The following GDF7 variants were observed in gnomAD, a reference collection of about 807,000 sequenced individuals.
GDF7 encodes growth differentiation factor 7.
Under a neutral mutation model 13.4 loss-of-function variants are expected in GDF7, and 12 were observed. That is an observed-to-expected ratio of 0.90 (90% confidence interval 0.57 to 1.45). The LOEUF (loss-of-function observed/expected upper bound fraction) is 1.45, where lower values mean the gene tolerates loss of function less well. Among genes scored for constraint, GDF7 ranks in the 40% most tolerant of loss-of-function variants. GDF7 has a pLI of 0.00. For missense variants in GDF7, 651 were observed against 652.4 expected (o/e 1.00, Z 0.02); for synonymous variants, 330 against 306.4 (o/e 1.08, Z -0.80).
Position 20,670,505 on chromosome 2 carries a change from G to T in GDF7, c.433G>T (p.Val145Leu). ...AACAGGCCAGAGCTTCCTGTTCGAC[G>T]TGTCCAGCCTTAACGACGCAGACGA... ...AETGQSFLFD[V>L]SSLNDADEVV... Residue 145 changes from valine (V) to leucine (L), a missense_variant, in exon 2 of 2, where the codon GTG (valine) becomes TTG (leucine). Physicochemically the swap from Val to Leu is conservative, Grantham distance 32. This residue lies in a region of GDF7 where 487 missense variants were observed against 445.9 expected (regional missense o/e 1.09). Coordinates refer to ENST00000272224, the MANE Select transcript of GDF7 (RefSeq NM_182828.4). The T allele has an allele frequency of 6.3e-7, 1 of 1,579,212 alleles. No homozygotes were observed.
Position 20,670,684 on chromosome 2 carries a change from C to G in GDF7, c.612C>G (p.Val204=), listed in dbSNP as rs756315078. The G allele has an allele frequency of 1.1e-5, 16 of 1,511,832 alleles. No individual in the cohort carries two copies. The highest frequency in any genetic ancestry group is 1.2e-5 in the Non-Finnish European group (14 of 1,134,142). The allele number at this position is 1,511,832 out of a possible 1,614,324, so 93.7% of individuals were successfully genotyped here. A position where few individuals can be genotyped will look rare whatever the true frequency, so the allele number is the denominator to read the frequency against. Reference sequence around the variant, plus strand: ...ACTCGCGGGCAGCTGAGCCCCTAGTCGGTCAGCGCTGGGAGGCGTTCGACG... The same window carrying G: ...ACTCGCGGGCAGCTGAGCCCCTAGTGGGTCAGCGCTGGGAGGCGTTCGACG... ...LLYSRAAEPL[V]GQRWEAFDVA... The change falls in exon 2 of 2, where the codon GTC becomes GTG. Residue 204 remains valine, a synonymous_variant. Coordinates refer to ENST00000272224, the MANE Select transcript of GDF7 (RefSeq NM_182828.4).
In GDF7 at chr2:20,673,019, C is replaced by T. The variant is rs904192386; in HGVS notation, c.*1594C>T. 1.3e-5 allele frequency: 2 copies of T among 152,076 alleles called. No homozygotes were observed. Among genetic ancestry groups the T allele is most frequent in the Non-Finnish European group, 2.9e-5 (2 of 68,022 alleles). 9.4% of individuals were successfully genotyped at this position (152,076 alleles called of 1,614,324 possible). On this transcript the variant is annotated 3_prime_UTR_variant, in exon 2 of 2. Transcript: ENST00000272224. The stretch of plus-strand genomic sequence containing the variant: ...TCTGTGTGATGTTGTGTAGGACTTT[C>T]CCCTTCAGAGTCCTGGGGAGCATTA...
At position 20,671,952 on chromosome 2, in the gene GDF7, C is replaced by T. The variant is rs1487980759; in HGVS notation, c.*527C>T. The T allele has an allele frequency of 6.5e-6, 1 of 153,348 alleles. No homozygotes were observed. The highest frequency in any genetic ancestry group is 1.5e-5 in the Non-Finnish European group (1 of 68,938). The allele number at this position is 153,348 out of a possible 1,614,324, so 9.5% of individuals were successfully genotyped here. On this transcript the variant is annotated 3_prime_UTR_variant, in exon 2 of 2. Coordinates refer to ENST00000272224, the MANE Select transcript of GDF7 (RefSeq NM_182828.4). ...ATGCCCTTCCCGAGGGTTTGTGTTG[C>T]ATGGGGCCGTTTACCCTGGAACTGC...
In GDF7 at chr2:20,671,413, C is replaced by T. The variant is rs907570368; in HGVS notation, c.1341C>T (p.Cys447=). 2.4e-5 allele frequency: 39 copies of T among 1,601,936 alleles called. No homozygotes were observed. Among genetic ancestry groups the T allele is most frequent in the Non-Finnish European group, 2.9e-5 (34 of 1,174,412 alleles). The change falls in exon 2 of 2, where the codon TGC becomes TGT. Residue 447 remains cysteine (C), a synonymous_variant. Transcript: ENST00000272224. The part of the protein sequence containing the change: ...KQYEDMVVEA[C]GCR ...ACGAGGACATGGTGGTGGAGGCCTG[C>T]GGCTGCAGGTAGCGCGAGGGCCGGG...
chr2:20,678,963 G>A lies in GDF7; in HGVS notation c.*7538G>A, dbSNP rs1347724477. On this transcript the variant is annotated 3_prime_UTR_variant, in exon 2 of 2. Coordinates refer to ENST00000272224, the MANE Select transcript of GDF7 (RefSeq NM_182828.4). ...GCTGTCTCCTTGCTGCCTGGCTTGG[G>A]TGTTTATTTGGGCAATGCAAGCTGA... 5 of 152,180 alleles carry A rather than the reference G, an allele frequency of 3.3e-5. No homozygotes were observed. Among genetic ancestry groups the A allele is most frequent in the African/African-American group, 7.2e-5 (3 of 41,434 alleles). The allele number at this position is 152,180 out of a possible 1,614,324, so 9.4% of individuals were successfully genotyped here.
In GDF7 at chr2:20,675,445, C is replaced by T. The variant is rs964063881; in HGVS notation, c.*4020C>T. 6.6e-6 allele frequency: 1 copy of T among 152,244 alleles called. No homozygotes were observed. Among genetic ancestry groups the T allele is most frequent in the Non-Finnish European group, 1.5e-5 (1 of 68,056 alleles). The allele number at this position is 152,244 out of a possible 1,614,324, so 9.4% of individuals were successfully genotyped here. On this transcript the variant is annotated 3_prime_UTR_variant, in exon 2 of 2. Coordinates refer to ENST00000272224, the MANE Select transcript of GDF7 (RefSeq NM_182828.4). ...TTTGAGCTGCACCAGAGTCAGAGCC[C>T]ACTGTGGGCTTCCGAGTGCCCAGAG...
In GDF7 at chr2:20,667,571, C is replaced by A; in HGVS notation, c.332C>A (p.Ser111Tyr). The A allele has an allele frequency of 6.6e-7, 1 of 1,507,034 alleles. No homozygotes were observed. Among genetic ancestry groups the A allele is most frequent in the Non-Finnish European group, 8.8e-7 (1 of 1,134,940 alleles). 93.4% of individuals were successfully genotyped at this position (1,507,034 alleles called of 1,614,324 possible). The change falls in exon 1 of 2, where the codon TCC (serine) becomes TAC (tyrosine). Residue 111 changes from serine (S) to tyrosine (Y), a missense_variant. This residue lies in a region of GDF7 where 487 missense variants were observed against 445.9 expected (regional missense o/e 1.09). Coordinates refer to ENST00000272224, the MANE Select transcript of GDF7 (RefSeq NM_182828.4). The surrounding 1 kb of genome is among the most constrained non-coding windows in gnomAD (Gnocchi z 6.4). ...GRAPAGAAAV[S>Y]ASGHGRADTI... is the part of the protein sequence containing the mutation. ...GCTCCGGCCGGGGCAGCCGCTGTCT[C>A]CGCCTCGGGCCATGGTCGCGCGGAC...
rs1029041214 is a variant in GDF7, at chr2:20,671,875, C to CT, written c.*451dup. 2.1e-5 allele frequency: 4 copies of CT among 194,858 alleles called. No individual in the cohort carries two copies. Among genetic ancestry groups the CT allele is most frequent in the African/African-American group, 9.4e-5 (4 of 42,580 alleles). The allele number at this position is 194,858 out of a possible 1,614,324, so 12.1% of individuals were successfully genotyped here. A position where few individuals can be genotyped will look rare whatever the true frequency, so the allele number is the denominator to read the frequency against. Reference sequence around the variant, plus strand: ...TGGCCCGATGTGGGGCATCGCTTCCCTGGGGGGCTGAGCGCCGCGTGGTGC... The same window carrying CT: ...TGGCCCGATGTGGGGCATCGCTTCCCTTGGGGGGCTGAGCGCCGCGTGGTGC... On this transcript the variant is annotated 3_prime_UTR_variant, in exon 2 of 2. Transcript: ENST00000272224.
rs1386503371 is a variant in GDF7 at position 20,667,428 on chromosome 2, G to C, written c.189G>C (p.Pro63=). ...LAQAAGAAAV[P]AAAVPRARAA... is the part of the protein sequence containing the mutation. The stretch of plus-strand genomic sequence containing the variant: ...AGGCTGCGGGCGCCGCGGCTGTCCC[G>C]GCCGCCGCGGTTCCCCGGGCCCGCG... Residue 63 remains proline, a synonymous_variant, in exon 1 of 2, where the codon CCG becomes CCC. Transcript: ENST00000272224. The surrounding 1 kb of genome is among the most constrained non-coding windows in gnomAD (Gnocchi z 6.4). The C allele has an allele frequency of 7.9e-6, 8 of 1,015,986 alleles. No individual in the cohort carries two copies. Among genetic ancestry groups the C allele is most frequent in the African/African-American group, 3.5e-5 (2 of 57,188 alleles). 62.9% of individuals were successfully genotyped at this position (1,015,986 alleles called of 1,614,324 possible).
rs1308593399 is a variant in GDF7, at chr2:20,670,710, T to C, written c.638T>C (p.Val213Ala). ...LVGQRWEAFD[V>A]ADAMRRHRRE... ...GGTCAGCGCTGGGAGGCGTTCGACG[T>C]GGCGGACGCCATGAGGCGCCACCGT... is the stretch of plus-strand genomic sequence containing the variant. Residue 213 changes from valine to alanine, a missense_variant, in exon 2 of 2, where the codon GTG becomes GCG. Physicochemically the swap from Val to Ala is moderately conservative, Grantham distance 64. Coordinates refer to ENST00000272224, the MANE Select transcript of GDF7 (RefSeq NM_182828.4). 4 of 1,477,516 alleles carry C rather than the reference T, an allele frequency of 2.7e-6. No homozygotes were observed. Among genetic ancestry groups the C allele is most frequent in the Non-Finnish European group, 3.6e-6 (4 of 1,119,820 alleles). The allele number at this position is 1,477,516 out of a possible 1,614,324, so 91.5% of individuals were successfully genotyped here.
In GDF7 at chr2:20,670,579, G is replaced by C. The variant is rs753091504; in HGVS notation, c.507G>C (p.Ser169=). The C allele has an allele frequency of 3.7e-6, 6 of 1,603,886 alleles. No individual in the cohort carries two copies. Among genetic ancestry groups the C allele is most frequent in the Non-Finnish European group, 4.2e-6 (5 of 1,176,692 alleles). ...TGCTGCGCCGGGGATCTCCAGAGTC[G>C]GGCCCAGGCAGCTGGACTTCTCCGC... The part of the protein sequence containing the change: ...LRVLRRGSPE[S]GPGSWTSPPL... Residue 169 remains serine, a synonymous_variant, in exon 2 of 2, where the codon TCG becomes TCC. Transcript: ENST00000272224.
In GDF7 at chr2:20,667,467, C is replaced by T; in HGVS notation, c.228C>T (p.Ala76=). 8.1e-7 allele frequency: 1 copy of T among 1,230,700 alleles called. No individual in the cohort carries two copies. The highest frequency in any genetic ancestry group is 1.0e-6 in the Non-Finnish European group (1 of 985,080). The allele number at this position is 1,230,700 out of a possible 1,614,324, so 76.2% of individuals were successfully genotyped here. ...AVPRARAARR[A]AGSGFRNGSV... Reference sequence around the variant, plus strand: ...CCCGGGCCCGCGCCGCGCGCCGCGCCGCGGGCTCCGGCTTCAGGAACGGCT... The same window carrying T: ...CCCGGGCCCGCGCCGCGCGCCGCGCTGCGGGCTCCGGCTTCAGGAACGGCT... Residue 76 remains alanine, a synonymous_variant, in exon 1 of 2, where the codon GCC becomes GCT. Transcript: ENST00000272224. This position sits in a 1 kb window ranked among gnomAD's most constrained non-coding sequence, Gnocchi z 6.4.
rs1662189706 is a variant in GDF7, at chr2:20,674,629, A to G, written c.*3204A>G. ...GAATTCTGACTTTCCAAACAGCCGC[A>G]CTGGGTCTTCCAGAGAAGGTGGCAG... On this transcript the variant is annotated 3_prime_UTR_variant, in exon 2 of 2. Transcript: ENST00000272224. 6.6e-6 allele frequency: 1 copy of G among 152,246 alleles called. No homozygotes were observed. Among genetic ancestry groups the G allele is most frequent in the Admixed American group, 6.5e-5 (1 of 15,288 alleles). 9.4% of individuals were successfully genotyped at this position (152,246 alleles called of 1,614,324 possible). A position where few individuals can be genotyped will look rare whatever the true frequency, so the allele number is the denominator to read the frequency against.
In GDF7 at chr2:20,670,663, G is replaced by A. The variant is rs759572243; in HGVS notation, c.591G>A (p.Ser197=). 2 of 1,531,324 alleles carry A rather than the reference G, an allele frequency of 1.3e-6. No homozygotes were observed. Among genetic ancestry groups the A allele is most frequent in the Admixed American group, 2.0e-5 (1 of 50,222 alleles). 94.9% of individuals were successfully genotyped at this position (1,531,324 alleles called of 1,614,324 possible). Reference sequence around the variant, plus strand: ...CCCGAGCGCCACGCCTGCTGTACTCGCGGGCAGCTGAGCCCCTAGTCGGTC... The same window carrying A: ...CCCGAGCGCCACGCCTGCTGTACTCACGGGCAGCTGAGCCCCTAGTCGGTC... ...GAARAPRLLY[S]RAAEPLVGQR... Residue 197 remains serine, a synonymous_variant, in exon 2 of 2, where the codon TCG becomes TCA. Coordinates refer to ENST00000272224, the MANE Select transcript of GDF7 (RefSeq NM_182828.4).
At chr2:20,669,802 A>T (rs1662080460) in intron 1 of GDF7, among the ~76,000 whole-genome samples, 2 of 152,220 alleles carry the variant, frequency 1.3e-5, no homozygotes, top group South Asian at 4.1e-4. Flanking sequence ...GGCAGAGCGA[A>T]GTTGGACTAG....
intron 1 of GDF7, among the ~76,000 whole-genome samples, chr2:20,669,845 C>A (rs1158348632): frequency 6.6e-6 from 1 of 152,350 alleles, no homozygotes; most frequent in Middle Eastern, 3.4e-3. Context: ...CGAATTCTCC[C>A]GGACGAATCG....
chr2:20,671,682 A>C lies in GDF7; in HGVS notation c.*257A>C. The C allele has an allele frequency of 2.0e-6, 1 of 490,930 alleles. No homozygotes were observed. Among genetic ancestry groups the C allele is most frequent in the Non-Finnish European group, 3.7e-6 (1 of 271,758 alleles). The allele number at this position is 490,930 out of a possible 1,614,324, so 30.4% of individuals were successfully genotyped here. ...AGCCCTGTGTATTTTGCAAACAGAT[A>C]ACCATGGCGCCCACTGCCCCCATTT... On this transcript the variant is annotated 3_prime_UTR_variant, in exon 2 of 2. Transcript: ENST00000272224.
chr2:20,669,025 T>A lies in GDF7; in HGVS notation c.391+1395T>A, dbSNP rs372400129. 8.3e-4 allele frequency among the ~76,000 whole-genome samples: 126 copies of A among 152,300 alleles called. 3 individuals are homozygous for A. In the South Asian group the frequency reaches 0.024, roughly 29 times the overall value. On this transcript the variant is annotated intron_variant, in intron 1 of 1. Coordinates refer to ENST00000272224, the MANE Select transcript of GDF7 (RefSeq NM_182828.4). ...ACCATGGTCTCAGACAGGAGATAAA[T>A]CCTTTCTGGGGAGCTCAGCTTGGCT...
At chr2:20,668,022 C>G (rs1457275830) in intron 1 of GDF7, among the ~76,000 whole-genome samples, 1 of 152,248 alleles carries the variant, frequency 6.6e-6, no homozygotes, top group Non-Finnish European at 1.5e-5. Context: ...AGAGGGACTG[C>G]ACGGTGGTGA....
Sources: gnomAD v4.1 joint callset for allele counts (sites outside exome capture counted in the v4.1 genomes callset) on GRCh38, gnomAD v4.1.1 for gene constraint, gnomAD v4.1.1 regional missense constraint, Gnocchi (gnomAD v3.1) non-coding constraint, MANE v1.5 for transcripts, NCBI Gene and HGNC (gene_info 2026-07-23, HGNC 2026-07-21) for gene names.